AP2A2: variants seen among roughly 807,000 people sequenced by gnomAD.
The protein encoded by AP2A2 is AP-2 complex subunit alpha-2.
AP2A2 carries 32 observed loss-of-function variants against 104.2 expected under a neutral mutation model. The ratio of observed to expected loss-of-function variants is 0.31; its 90% CI spans 0.23 to 0.41. The LOEUF is 0.41. AP2A2 is among the 10% of genes least tolerant of loss of function. The probability of loss-of-function intolerance (pLI) is 1.00; values close to 1 mark genes in which losing one functional copy is unlikely to be tolerated. For synonymous variants in AP2A2, 539 were observed against 533.3 expected, an observed-to-expected ratio of 1.01 and a Z score of -0.15; for missense variants, 912 against 1,261.0, an observed-to-expected ratio of 0.72 and a Z score of 4.19.
chr11:950,089 T>C (rs1462792776), intron 1 of AP2A2, among the ~76,000 whole-genome samples: 1 of 152,154 alleles, frequency 6.6e-6, no homozygotes, highest in Non-Finnish European at 1.5e-5. Flanking sequence ...TGAATTGATT[T>C]TCAGCAGGAG....
intron 18 of AP2A2, 160 bp downstream of exon 18, chr11:1,008,295 C>T: frequency 8.9e-7 from 1 of 1,129,140 alleles, no homozygotes; most frequent in Non-Finnish European, 1.2e-6. Flanking sequence ...GCCCCCGGCT[C>T]TGCAGAGCGC....
At chr11:1,006,398 C>T (rs1284104957) in intron 16 of AP2A2, 130 bp from the exon 17 acceptor site, 6 of 691,228 alleles carry the variant, frequency 8.7e-6, no homozygotes, top group Non-Finnish European at 1.5e-5. Flanking sequence ...TTAATTTTAA[C>T]AACAGTCATA....
chr11:995,048 G>A (rs1286397905), intron 14 of AP2A2, among the ~76,000 whole-genome samples: 2 of 152,110 alleles, frequency 1.3e-5, no homozygotes, highest in Non-Finnish European at 2.9e-5. Context: ...GTCCTCTCCC[G>A]GGGGCCACTG....
At chr11:1,002,560 C>T (rs1003134307) in intron 15 of AP2A2, among the ~76,000 whole-genome samples, 1 of 152,250 alleles carries the variant, frequency 6.6e-6, no homozygotes, top group African/African-American at 2.4e-5. Context: ...CAGCGGCTCT[C>T]GTGGCCGTGG....
intron 16 of AP2A2, among the ~76,000 whole-genome samples, chr11:1,004,700 C>A (rs2133780989): frequency 6.6e-6 from 1 of 151,200 alleles, no homozygotes; most frequent in South Asian, 2.1e-4. Context: ...CGCTTGAGCC[C>A]AGGTGTTTGA....
At chr11:951,138 AATAG>A (rs1854038028) in intron 1 of AP2A2, among the ~76,000 whole-genome samples, 1 of 152,026 alleles carries the variant, frequency 6.6e-6, no homozygotes. Flanking sequence ...ATTTCTTCCA[AATAG>A]ATTTACGAAT....
At chr11:954,078 G>T (rs200893680) in intron 1 of AP2A2, among the ~76,000 whole-genome samples, 3 of 151,948 alleles carry the variant, frequency 2.0e-5, no homozygotes, top group African/African-American at 7.3e-5. Context: ...CAGGTGATCC[G>T]CCCGCCTCAG....
At chr11:980,055 A>G (rs1855188849) in intron 5 of AP2A2, among the ~76,000 whole-genome samples, 1 of 149,494 alleles carries the variant, frequency 6.7e-6, no homozygotes, top group Non-Finnish European at 1.5e-5. Context: ...CGTGTCCTGG[A>G]GCGGTGACAG....
At chr11:935,276 C>A (rs943770983) in intron 1 of AP2A2, among the ~76,000 whole-genome samples, 4 of 152,132 alleles carry the variant, frequency 2.6e-5, no homozygotes, top group African/African-American at 9.7e-5. Context: ...CCAGAATGGT[C>A]TTGATCTCTT....
Position 1,003,743 on chromosome 11 carries a change from T to C in AP2A2, c.2145T>C (p.Gly715=). The C allele has an allele frequency of 2.5e-6, 4 of 1,608,702 alleles. No homozygotes were observed. The highest frequency in any genetic ancestry group is 2.5e-6 in the Non-Finnish European group (3 of 1,177,508). The change falls in exon 16 of 22, where the codon GGT becomes GGC. Residue 715 remains glycine (G), a synonymous_variant. Transcript: ENST00000448903. ...NFARFVCKNN[G]VLFENQLLQI... ...CTAGGTTTGTTTGTAAAAACAATGG[T>C]GTGTTGTTTGAAAACCAGCTGCTTC...
chr11:976,990 C>G, intron 4 of AP2A2, 105 bp from the exon 5 acceptor site: 2 of 1,502,762 alleles, frequency 1.3e-6, no homozygotes, highest in Non-Finnish European at 1.8e-6. Context: ...TTGGCCCCTG[C>G]GCCAGCCCCA....
In AP2A2 at chr11:986,927, A is replaced by G. The variant is rs1256863977; in HGVS notation, c.1105A>G (p.Ile369Val). 1 of 1,595,856 alleles carries G rather than the reference A, an allele frequency of 6.3e-7. No homozygotes were observed. The highest frequency in any genetic ancestry group is 8.5e-7 in the Non-Finnish European group (1 of 1,171,860). The change falls in exon 9 of 22, where the codon ATC becomes GTC. Residue 369 changes from isoleucine (I) to valine (V), a missense_variant. By Grantham distance (29) the Ile-to-Val change is conservative. Transcript: ENST00000448903. ...EFSHEAVKTH[I>V]ETVINALKTE... Reference sequence around the variant, plus strand: ...CTCCCATGAGGCTGTCAAGACGCACATCGAGACGGTCATCAACGCCCTGAA... The same window carrying G: ...CTCCCATGAGGCTGTCAAGACGCACGTCGAGACGGTCATCAACGCCCTGAA...
chr11:958,321 T>C (rs779641372), intron 1 of AP2A2, among the ~76,000 whole-genome samples: 2 of 152,196 alleles, frequency 1.3e-5, no homozygotes, highest in Non-Finnish European at 2.9e-5. Flanking sequence ...TGTGAGAAGA[T>C]GAAGTGTTTC....
At chr11:947,397 A>G (rs1208086369) in intron 1 of AP2A2, among the ~76,000 whole-genome samples, 3 of 152,238 alleles carry the variant, frequency 2.0e-5, no homozygotes, top group Non-Finnish European at 2.9e-5. Context: ...GTGATTTGAC[A>G]GTTACAGCAC....
At chr11:939,017 G>T (rs1159892827) in intron 1 of AP2A2, among the ~76,000 whole-genome samples, 2 of 151,902 alleles carry the variant, frequency 1.3e-5, no homozygotes, top group Non-Finnish European at 2.9e-5. Context: ...ACTTTGGGAG[G>T]CCGAGGCGGG....
chr11:997,127 T>A (rs1855882072), intron 14 of AP2A2, among the ~76,000 whole-genome samples: 3 of 152,208 alleles, frequency 2.0e-5, no homozygotes, highest in Admixed American at 1.3e-4. Flanking sequence ...CATGTGCCTT[T>A]CCCACGAGAG....
Position 968,512 on chromosome 11 carries a change from C to T in AP2A2, c.137-1657C>T, listed in dbSNP as rs927671035. Among the ~76,000 whole-genome samples the T allele has an allele frequency of 1.3e-5, 2 of 152,166 alleles. No individual in the cohort carries two copies. The highest frequency in any genetic ancestry group is 2.9e-5 in the Non-Finnish European group (2 of 68,036). On this transcript the variant is annotated intron_variant, in intron 2 of 21. Transcript: ENST00000448903. The surrounding 1 kb of genome is among the most constrained non-coding windows in gnomAD (Gnocchi z 4.2). ...TCGGGCCGCTGGTCCTCTCCCCTGT[C>T]AGTTATTTTTTCCTTTGAGAGGTGC...
chr11:959,100 A>G (rs764374842), intron 1 of AP2A2, among the ~76,000 whole-genome samples: 4 of 152,228 alleles, frequency 2.6e-5, no homozygotes, highest in Admixed American at 1.3e-4. Context: ...ATCCAGCAAG[A>G]TATTTGAGTT....
At chr11:991,143 C>T (rs541436851) in intron 10 of AP2A2, among the ~76,000 whole-genome samples, 1 of 152,310 alleles carries the variant, frequency 6.6e-6, no homozygotes, top group South Asian at 2.1e-4. Flanking sequence ...TATGGTGCTC[C>T]CCTCCATCCT....
Sources: gnomAD v4.1 joint callset for allele counts (sites outside exome capture counted in the v4.1 genomes callset) on GRCh38, gnomAD v4.1.1 for gene constraint, Gnocchi (gnomAD v3.1) non-coding constraint, MANE v1.5 for transcripts, NCBI Gene and HGNC (gene_info 2026-07-23, HGNC 2026-07-21) for gene names.